The following SCAMP2 variants were observed in gnomAD, a reference collection of about 807,000 sequenced individuals.
The protein encoded by SCAMP2 is secretory carrier-associated membrane protein 2.
Under a neutral mutation model 44.1 loss-of-function variants are expected in SCAMP2, and 25 were observed. The observed-to-expected ratio is 0.57, with a 90% CI of 0.41 to 0.79. The LOEUF (loss-of-function observed/expected upper bound fraction) is 0.79, where lower values mean the gene tolerates loss of function less well. SCAMP2 is among the 30% of genes least tolerant of loss of function. SCAMP2 has a pLI of 0.00. For synonymous variants in SCAMP2, 156 were observed against 166.0 expected (o/e 0.94, Z 0.46); for missense variants, 355 against 411.0 (o/e 0.86, Z 1.18).
chr15:74,847,488 T>C (rs1596413509), intron 7 of SCAMP2, among the ~76,000 whole-genome samples: 1 of 152,226 alleles, frequency 6.6e-6, no homozygotes, highest in African/African-American at 2.4e-5. Context: ...AGTAATGAAA[T>C]TGGGTCACTG....
intron 1 of SCAMP2, among the ~76,000 whole-genome samples, chr15:74,867,767 G>T (rs1361029445): frequency 6.6e-6 from 1 of 152,200 alleles, no homozygotes; most frequent in East Asian, 1.9e-4. Flanking sequence ...TCTTTTAACT[G>T]CAAGGAGGCA....
In SCAMP2 at chr15:74,853,537, C is replaced by T. The variant is rs184848504; in HGVS notation, c.225+484G>A. 9.0e-6 allele frequency: 4 copies of T among 446,048 alleles called. No homozygotes were observed. In the East Asian group the frequency reaches 2.1e-4, roughly 24 times the overall value. 27.6% of individuals were successfully genotyped at this position (446,048 alleles called of 1,614,324 possible). A position where few individuals can be genotyped will look rare whatever the true frequency, so the allele number is the denominator to read the frequency against. On this transcript the variant is annotated intron_variant, in intron 3 of 8. Transcript: ENST00000268099. ...CCACCATGGGTCACGCTCATAGGGG[C>T]AGCGAGGGGTGCAGCGGGAGGGCAG...
At chr15:74,856,154 A>G (rs543570540) in intron 1 of SCAMP2, among the ~76,000 whole-genome samples, 30 of 151,108 alleles carry the variant, frequency 2.0e-4, no homozygotes, top group African/African-American at 7.0e-4. Flanking sequence ...CTGCCTGTGG[A>G]GACACCGCTT....
chr15:74,871,786 T>C (rs2064577422), intron 1 of SCAMP2, among the ~76,000 whole-genome samples: 2 of 149,166 alleles, frequency 1.3e-5, no homozygotes, highest in African/African-American at 2.5e-5. Context: ...GGCTCACCCC[T>C]GTAATCCCAG....
intron 1 of SCAMP2, among the ~76,000 whole-genome samples, chr15:74,864,248 G>A (rs561115565): frequency 4.1e-4 from 63 of 152,058 alleles, no homozygotes; most frequent in Non-Finnish European, 7.4e-4. Context: ...TTTTTAGTAG[G>A]GACAGGGTTT....
chr15:74,845,147 A>C lies in SCAMP2; in HGVS notation c.926T>G (p.Phe309Cys), dbSNP rs2064390161. Residue 309 changes from phenylalanine (F) to cysteine (C), a missense_variant, in exon 9 of 9, where the codon TTC (phenylalanine) becomes TGC (cysteine). Phe to Cys is a radical substitution (Grantham distance 205). Transcript: ENST00000268099. The stretch of plus-strand genomic sequence containing the variant: ...AGCTCTGTGGAAGGTTCTGCTGCTG[A>C]AGATGCCCTGGGAAAACTCCTCCTG... ...QAQEEFSQGI[F>C]SSRTFHRAAS... 1.2e-6 allele frequency: 2 copies of C among 1,613,922 alleles called. No individual in the cohort carries two copies. Among genetic ancestry groups the C allele is most frequent in the African/African-American group, 2.7e-5 (2 of 74,920 alleles).
At chr15:74,846,624 A>G (rs576438183) in intron 7 of SCAMP2, among the ~76,000 whole-genome samples, 1 of 152,080 alleles carries the variant, frequency 6.6e-6, no homozygotes, top group African/African-American at 2.4e-5. Flanking sequence ...TGAGCCAGGC[A>G]TGGTGGCAGG....
At position 74,843,802 on chromosome 15, in the gene SCAMP2, G is replaced by A. The variant is rs956155492; in HGVS notation, c.*1281C>T. 1 of 152,100 alleles carries A rather than the reference G, an allele frequency of 6.6e-6. No individual in the cohort carries two copies. 9.4% of individuals were successfully genotyped at this position (152,100 alleles called of 1,614,324 possible). A position where few individuals can be genotyped will look rare whatever the true frequency, so the allele number is the denominator to read the frequency against. On this transcript the variant is annotated 3_prime_UTR_variant, in exon 9 of 9. Transcript: ENST00000268099. ...TAACATATACATTTGTACATAGAGG[G>A]GAAAAAATACCAGAAAGGAGTTCAT... is the stretch of plus-strand genomic sequence containing the variant.
At chr15:74,853,595 C>A in intron 3 of SCAMP2, 1 of 389,572 alleles carries the variant, frequency 2.6e-6, no homozygotes, top group Non-Finnish European at 5.2e-6. Context: ...AGGCACAAAG[C>A]AGGCAAGATT....
chr15:74,856,140 G>A (rs937959511), intron 1 of SCAMP2, among the ~76,000 whole-genome samples: 4 of 151,890 alleles, frequency 2.6e-5, no homozygotes, highest in Non-Finnish European at 4.4e-5. Context: ...ATTCAGGGCT[G>A]TTCCTGCCTG....
At chr15:74,865,922 GC>G (rs149429932) in intron 1 of SCAMP2, among the ~76,000 whole-genome samples, 4,608 of 140,766 alleles carry the variant, frequency 0.033, 121 homozygotes, top group Non-Finnish European at 0.05. Context: ...CTGCACTTCG[GC>G]CTAGGCAACA....
At chr15:74,866,633 A>G (rs2064545973) in intron 1 of SCAMP2, among the ~76,000 whole-genome samples, 2 of 151,980 alleles carry the variant, frequency 1.3e-5, no homozygotes, top group African/African-American at 4.8e-5. Context: ...CAAAAAATAA[A>G]TGAATAACCC....
At chr15:74,860,831 G>A (rs1477223145) in intron 1 of SCAMP2, among the ~76,000 whole-genome samples, 2 of 151,698 alleles carry the variant, frequency 1.3e-5, no homozygotes, top group African/African-American at 4.8e-5. Context: ...CTGCAGCCTG[G>A]GCAGCAGAGC....
chr15:74,867,016 C>T (rs1465828472), intron 1 of SCAMP2, among the ~76,000 whole-genome samples: 3 of 152,134 alleles, frequency 2.0e-5, no homozygotes, highest in Non-Finnish European at 4.4e-5. Context: ...AGGCTGGTCT[C>T]GAACTCCTGA....
rs892264804 is a variant in SCAMP2 at position 74,844,210 on chromosome 15, G to GA, written c.*872_*873insT. ...CCGTCCCTCGGTTCGGGGAGGGGGG[G>GA]GGGTAGTCACAGCAAACAGGGCCAA... On this transcript the variant is annotated 3_prime_UTR_variant, in exon 9 of 9. Coordinates refer to ENST00000268099, the MANE Select transcript of SCAMP2 (RefSeq NM_005697.5). 1 of 148,650 alleles carries GA rather than the reference G, an allele frequency of 6.7e-6. No homozygotes were observed. The highest frequency in any genetic ancestry group is 1.5e-5 in the Non-Finnish European group (1 of 66,994). The allele number at this position is 148,650 out of a possible 1,614,324, so 9.2% of individuals were successfully genotyped here.
At chr15:74,859,480 G>C (rs1342389586) in intron 1 of SCAMP2, among the ~76,000 whole-genome samples, 1 of 152,152 alleles carries the variant, frequency 6.6e-6, no homozygotes, top group East Asian at 1.9e-4. Context: ...AGACAGCAAA[G>C]GCCCAGATCA....
At chr15:74,860,258 T>C (rs1159493446) in intron 1 of SCAMP2, among the ~76,000 whole-genome samples, 1 of 149,538 alleles carries the variant, frequency 6.7e-6, no homozygotes, top group African/African-American at 2.5e-5. Context: ...CTATTAAAAA[T>C]ACAAAAATTG....
intron 1 of SCAMP2, among the ~76,000 whole-genome samples, chr15:74,857,999 C>G (rs2064478081): frequency 6.6e-6 from 1 of 152,212 alleles, no homozygotes; most frequent in Admixed American, 6.5e-5. Flanking sequence ...AGCAGTAGCC[C>G]AAGGGCCTGG....
intron 6 of SCAMP2, among the ~76,000 whole-genome samples, chr15:74,849,638 G>A (rs1211105672): frequency 6.6e-6 from 1 of 151,946 alleles, no homozygotes; most frequent in African/African-American, 2.4e-5. Flanking sequence ...CAGCTACTCC[G>A]GAGGCTGAGG....
Sources: allele counts gnomAD v4.1 joint callset (sites outside exome capture counted in the v4.1 genomes callset), GRCh38; gene constraint gnomAD v4.1.1; transcripts MANE v1.5; gene names NCBI Gene and HGNC (gene_info 2026-07-23, HGNC 2026-07-21).